The following SMYD3 variants were observed in gnomAD, a reference collection of about 807,000 sequenced individuals.
The protein encoded by SMYD3 is SET and MYND domain containing 3, also known as histone-lysine N-methyltransferase SMYD3.
SMYD3 carries 36 observed loss-of-function variants against 57.7 expected under a neutral mutation model. That is an observed-to-expected ratio of 0.62 (90% confidence interval 0.48 to 0.82). The LOEUF is 0.82. Among genes scored for constraint, SMYD3 ranks in the 40% least tolerant of loss-of-function variants. The pLI is 0.00. For synonymous variants in SMYD3, 211 were observed against 195.0 expected (o/e 1.08, Z -0.68); for missense variants, 515 against 538.8 (o/e 0.96, Z 0.44).
chr1:246,371,834 C>T (rs527628287), intron 1 of SMYD3, among the ~76,000 whole-genome samples: 1 of 152,328 alleles, frequency 6.6e-6, no homozygotes, highest in African/African-American at 2.4e-5. Context: ...GCTAAATTCA[C>T]TAATTGGAGT....
intron 1 of SMYD3, among the ~76,000 whole-genome samples, chr1:246,457,532 CA>C (rs59617511): frequency 0.12 from 9,483 of 82,202 alleles, 360 homozygotes; most frequent in Middle Eastern, 0.21. Flanking sequence ...GACTCTGCCT[CA>C]AAAAAAAAAA....
chr1:246,222,746 GA>G (rs1466311924), intron 5 of SMYD3, among the ~76,000 whole-genome samples: 1 of 152,092 alleles, frequency 6.6e-6, no homozygotes, highest in African/African-American at 2.4e-5. Flanking sequence ...AGGATGCAAA[GA>G]ACTCAATGTT....
At chr1:246,215,429 C>CATT (rs2148405497) in intron 5 of SMYD3, among the ~76,000 whole-genome samples, 1 of 152,138 alleles carries the variant, frequency 6.6e-6, no homozygotes, top group African/African-American at 2.4e-5. Context: ...TCTTACTTGG[C>CATT]GCTCATTACT....
intron 10 of SMYD3, among the ~76,000 whole-genome samples, chr1:245,766,580 C>T (rs1474190428): frequency 6.6e-6 from 1 of 152,008 alleles, no homozygotes; most frequent in East Asian, 1.9e-4. Flanking sequence ...TTTAAGATCC[C>T]CAGACAAAAG....
At chr1:246,308,592 C>A (rs895027273) in intron 5 of SMYD3, among the ~76,000 whole-genome samples, 8 of 152,154 alleles carry the variant, frequency 5.3e-5, no homozygotes, top group African/African-American at 1.9e-4. Flanking sequence ...ACCAAACTGA[C>A]AAATTCAAAA....
At chr1:246,111,280 C>T (rs1034701318) in intron 5 of SMYD3, 2 of 152,148 alleles carry the variant, frequency 1.3e-5, no homozygotes, top group Admixed American at 1.3e-4. Flanking sequence ...TCAGTCTAGC[C>T]AGTGCCAACT....
chr1:246,234,194 A>C (rs537310086), intron 5 of SMYD3, among the ~76,000 whole-genome samples: 1 of 149,354 alleles, frequency 6.7e-6, no homozygotes, highest in East Asian at 2.1e-4. Context: ...TGTGATGAAC[A>C]TATACCACAC....
intron 8 of SMYD3, among the ~76,000 whole-genome samples, chr1:245,911,228 AG>A (rs1285341356): frequency 6.6e-6 from 1 of 152,176 alleles, no homozygotes; most frequent in Non-Finnish European, 1.5e-5. Context: ...AATGCTGGCA[AG>A]GATGTGGAGA....
chr1:246,084,878 AG>A, intron 5 of SMYD3, among the ~76,000 whole-genome samples: 1 of 152,346 alleles, frequency 6.6e-6, no homozygotes, highest in African/African-American at 2.4e-5. Flanking sequence ...CAAAAAATCT[AG>A]TAAATAATTA....
intron 10 of SMYD3, among the ~76,000 whole-genome samples, chr1:245,766,274 G>T (rs1394233281): frequency 2.0e-5 from 3 of 151,796 alleles, no homozygotes; most frequent in Non-Finnish European, 2.9e-5. Flanking sequence ...GTGGTGGCAG[G>T]CGCCTGTAGT....
chr1:246,423,024 G>A (rs944293771), intron 1 of SMYD3, among the ~76,000 whole-genome samples: 11 of 152,278 alleles, frequency 7.2e-5, no homozygotes, highest in Admixed American at 3.3e-4. Context: ...ATGACCCGGC[G>A]CAGTGGCTCA....
At chr1:246,359,676 G>A (rs905047652) in intron 1 of SMYD3, among the ~76,000 whole-genome samples, 3 of 151,988 alleles carry the variant, frequency 2.0e-5, no homozygotes, top group African/African-American at 7.2e-5. Flanking sequence ...ACTCAAATGT[G>A]ATATGCCACA....
intron 5 of SMYD3, among the ~76,000 whole-genome samples, chr1:245,982,222 C>T (rs952756146): frequency 3.9e-5 from 6 of 152,198 alleles, no homozygotes; most frequent in African/African-American, 1.4e-4. Flanking sequence ...GCAGCCTCCA[C>T]CTTCTGGGCT....
intron 5 of SMYD3, among the ~76,000 whole-genome samples, chr1:246,008,739 G>C (rs948236405): frequency 1.3e-5 from 2 of 152,088 alleles, no homozygotes; most frequent in Non-Finnish European, 2.9e-5. Context: ...CAATTTTCTC[G>C]GTTTCGTTTT....
intron 2 of SMYD3, among the ~76,000 whole-genome samples, chr1:246,336,410 C>G (rs562638441): frequency 7.6e-4 from 115 of 152,302 alleles, no homozygotes; most frequent in African/African-American, 2.3e-3. Flanking sequence ...CTTACTCATT[C>G]TTATTTCAAA....
At chr1:246,031,515 A>G (rs1016974181) in intron 5 of SMYD3, among the ~76,000 whole-genome samples, 1 of 152,166 alleles carries the variant, frequency 6.6e-6, no homozygotes, top group Admixed American at 6.5e-5. Context: ...AGGCAGGCAG[A>G]TCACGAAGTC....
chr1:245,813,524 T>C (rs1485080656), intron 10 of SMYD3, among the ~76,000 whole-genome samples: 1 of 152,100 alleles, frequency 6.6e-6, no homozygotes, highest in Non-Finnish European at 1.5e-5. Flanking sequence ...CTAAGGGCAT[T>C]GAGAAAGGTA....
intron 1 of SMYD3, among the ~76,000 whole-genome samples, chr1:246,392,186 G>A (rs1466571066): frequency 6.6e-6 from 1 of 152,074 alleles, no homozygotes; most frequent in African/African-American, 2.4e-5. Context: ...CTTGCTAAAT[G>A]AAGGATAAAC....
intron 5 of SMYD3, among the ~76,000 whole-genome samples, chr1:246,231,451 C>T (rs930416038): frequency 6.6e-6 from 1 of 152,054 alleles, no homozygotes; most frequent in Non-Finnish European, 1.5e-5. Flanking sequence ...ATTTTATGCA[C>T]CAATAATTTT....
Sources: allele counts gnomAD v4.1 joint callset (sites outside exome capture counted in the v4.1 genomes callset), GRCh38; gene constraint gnomAD v4.1.1; transcripts MANE v1.5; gene names NCBI Gene and HGNC (gene_info 2026-07-23, HGNC 2026-07-21).